Variants in NUP210 observed in about 807,000 individuals in gnomAD.
NUP210 encodes nuclear pore membrane glycoprotein 210.
A neutral mutation model predicts 196.0 loss-of-function variants in NUP210; 151 were observed. The observed-to-expected ratio is 0.77, with a 90% confidence interval of 0.67 to 0.88. The LOEUF is 0.88. Ranked by LOEUF, NUP210 falls within the 40% of genes least tolerant of loss-of-function variation. NUP210 has a pLI of 0.00. For synonymous variants in NUP210, 1,070 were observed against 1,052.7 expected, an observed-to-expected ratio of 1.02 and a Z score of -0.32; for missense variants, 2,314 against 2,493.7, an observed-to-expected ratio of 0.93 and a Z score of 1.53.
At chr3:13,358,821 A>G (rs549653268) in intron 15 of NUP210, among the ~76,000 whole-genome samples, 7 of 152,244 alleles carry the variant, frequency 4.6e-5, no homozygotes, top group Non-Finnish European at 1.0e-4. Context: ...TGACAGGGCA[A>G]GCGAATCAGA....
intron 14 of NUP210, among the ~76,000 whole-genome samples, chr3:13,361,344 A>G (rs1698362537): frequency 6.6e-6 from 1 of 152,228 alleles, no homozygotes; most frequent in African/African-American, 2.4e-5. Flanking sequence ...GAATTAAAGT[A>G]GTATTTCACA....
Position 13,379,510 on chromosome 3 carries a change from C to A in NUP210, c.976+53G>T. 1 of 1,609,226 alleles carries A rather than the reference C, an allele frequency of 6.2e-7. No homozygotes were observed. The highest frequency in any genetic ancestry group is 8.5e-7 in the Non-Finnish European group (1 of 1,177,704). The stretch of plus-strand genomic sequence containing the variant: ...TTTCAGGGAAAAAAAGACTTGACTT[C>A]CAAACAGCAGCTCCGCCATGCCTAA... On this transcript the variant is annotated intron_variant, in intron 7 of 39. Transcript: ENST00000254508. This position sits in a 1 kb window ranked among gnomAD's most constrained non-coding sequence, Gnocchi z 4.2.
chr3:13,359,301 G>A (rs1698292195), intron 15 of NUP210, among the ~76,000 whole-genome samples: 2 of 152,174 alleles, frequency 1.3e-5, no homozygotes, highest in South Asian at 4.1e-4. Flanking sequence ...CCAGGGATAA[G>A]AAATATATCC....
At chr3:13,398,540 T>C (rs1165919579) in intron 2 of NUP210, among the ~76,000 whole-genome samples, 1 of 152,256 alleles carries the variant, frequency 6.6e-6, no homozygotes, top group African/African-American at 2.4e-5. Context: ...AAAACATTTA[T>C]TTTTATATGT....
chr3:13,317,628 TG>T lies in NUP210; in HGVS notation c.*52del. ...TGAATGCAGCAGGGATGTTCCATCT[TG>T]GGGGTGCACGAGGCTCGGCTGAGAC... On this transcript the variant is annotated 3_prime_UTR_variant, in exon 40 of 40. Transcript: ENST00000254508. The T allele has an allele frequency of 7.7e-7, 1 of 1,291,742 alleles. No homozygotes were observed. The allele number at this position is 1,291,742 out of a possible 1,614,324, so 80.0% of individuals were successfully genotyped here.
At position 13,397,506 on chromosome 3, in the gene NUP210, AG is replaced by A. The variant is rs1173482908; in HGVS notation, c.305-19del. On this transcript the variant is annotated intron_variant, in intron 2 of 39. Coordinates refer to ENST00000254508, the MANE Select transcript of NUP210 (RefSeq NM_024923.4). ...GCCTGTGGCTGGAGGAACCCCAGGA[AG>A]GGGTCAGCACCAAAGACAGTCCCCG... 5 of 1,581,294 alleles carry A rather than the reference AG, an allele frequency of 3.2e-6. No homozygotes were observed. The highest frequency in any genetic ancestry group is 3.6e-5 in the Admixed American group (2 of 55,674).
intron 16 of NUP210, among the ~76,000 whole-genome samples, chr3:13,356,553 G>A (rs966826157): frequency 6.6e-6 from 1 of 152,226 alleles, no homozygotes; most frequent in African/African-American, 2.4e-5. Context: ...TGAGGCAGGA[G>A]AATCACTTGA....
rs1194541312 is a variant in NUP210, at chr3:13,323,267, T to C, written c.4768+42A>G. 3.7e-6 allele frequency: 6 copies of C among 1,611,312 alleles called. No homozygotes were observed. Reference sequence around the variant, plus strand: ...AGGACACAGGAAGCCACCTCCCCGCTCCCAGGTACTCTGAAGACAGCCCAA... The same window carrying C: ...AGGACACAGGAAGCCACCTCCCCGCCCCCAGGTACTCTGAAGACAGCCCAA... On this transcript the variant is annotated intron_variant, in intron 34 of 39. Transcript: ENST00000254508. This position sits in a 1 kb window ranked among gnomAD's most constrained non-coding sequence, Gnocchi z 4.3.
chr3:13,410,482 C>T (rs898105387), intron 1 of NUP210, among the ~76,000 whole-genome samples: 9 of 149,822 alleles, frequency 6.0e-5, no homozygotes, highest in Admixed American at 4.7e-4. Flanking sequence ...CTGGCCAATA[C>T]TGATTTTTAA....
intron 1 of NUP210, among the ~76,000 whole-genome samples, chr3:13,412,888 G>A (rs59578249): frequency 0.12 from 18,072 of 151,382 alleles, 1,574 homozygotes; most frequent in African/African-American, 0.25. Flanking sequence ...GGAGAATGGC[G>A]TGAACCCAGG....
At position 13,350,674 on chromosome 3, in the gene NUP210, G is replaced by A. The variant is rs1002799967; in HGVS notation, c.2835+1205C>T. Reference sequence around the variant, plus strand: ...ATATCAATAAAGGGGAAAAGTTACAGGAAAAAAAATAGAAATTCTTTTTTT... The same window carrying A: ...ATATCAATAAAGGGGAAAAGTTACAAGAAAAAAAATAGAAATTCTTTTTTT... On this transcript the variant is annotated intron_variant, in intron 20 of 39. Transcript: ENST00000254508. The surrounding 1 kb of genome is among the most constrained non-coding windows in gnomAD (Gnocchi z 4.1). 4.0e-5 allele frequency among the ~76,000 whole-genome samples: 6 copies of A among 149,990 alleles called. No individual in the cohort carries two copies. Among genetic ancestry groups the A allele is most frequent in the Non-Finnish European group, 7.4e-5 (5 of 67,620 alleles).
intron 31 of NUP210, 122 bp from the exon 32 acceptor site, chr3:13,327,559 G>T: frequency 5.3e-6 from 4 of 747,890 alleles, no homozygotes; most frequent in Non-Finnish European, 6.6e-6. Context: ...GGTCCCAGGT[G>T]TGGCCCCAAC....
chr3:13,401,418 A>G (rs1699837411), intron 1 of NUP210, among the ~76,000 whole-genome samples: 1 of 152,062 alleles, frequency 6.6e-6, no homozygotes, highest in Admixed American at 6.5e-5. Flanking sequence ...CCTGGCCACA[A>G]TGGGCTGCGG....
chr3:13,354,214 G>A (rs1470675380), intron 16 of NUP210, 107 bp from the exon 17 acceptor site: 1 of 931,178 alleles, frequency 1.1e-6, no homozygotes, highest in South Asian at 1.6e-5. Context: ...GCTCTTGGGG[G>A]TGCTGGTGAG....
chr3:13,324,018 T>C (rs1442904097), intron 33 of NUP210, among the ~76,000 whole-genome samples: 1 of 152,102 alleles, frequency 6.6e-6, no homozygotes, highest in African/African-American at 2.4e-5. Flanking sequence ...CTCCAGGAGA[T>C]CTGATTTCTA....
intron 21 of NUP210, among the ~76,000 whole-genome samples, chr3:13,342,659 C>T (rs1697559775): frequency 6.6e-6 from 1 of 152,208 alleles, no homozygotes; most frequent in Non-Finnish European, 1.5e-5. Flanking sequence ...CTGACCGCAA[C>T]CCTCTGGAAG....
At chr3:13,358,467 C>A (rs760944613) in intron 15 of NUP210, 72 bp from the exon 16 acceptor site, 1 of 1,419,654 alleles carries the variant, frequency 7.0e-7, no homozygotes, top group Non-Finnish European at 9.5e-7. Flanking sequence ...TGCCACACCC[C>A]ACCCCAGCTC....
At chr3:13,367,984 G>A (rs4684129) in intron 13 of NUP210, among the ~76,000 whole-genome samples, 88,688 of 152,076 alleles carry the variant, frequency 0.58, 27,104 homozygotes, top group African/African-American at 0.77. Context: ...GAAATTGTTG[G>A]TTGCTGTTGT....
At chr3:13,337,993 G>C in intron 25 of NUP210, 76 bp from the exon 26 acceptor site, 1 of 1,380,176 alleles carries the variant, frequency 7.2e-7, no homozygotes. Flanking sequence ...ACCCCTCAAG[G>C]GAAGCAGGCT....
Sources: allele counts gnomAD v4.1 joint callset (sites outside exome capture counted in the v4.1 genomes callset), GRCh38; gene constraint gnomAD v4.1.1; non-coding constraint Gnocchi (gnomAD v3.1); transcripts MANE v1.5; gene names NCBI Gene and HGNC (gene_info 2026-07-23, HGNC 2026-07-21).